Variants in SH3BP5 observed in about 807,000 individuals in gnomAD.
SH3BP5 encodes SH3 domain binding protein 5.
In SH3BP5, 22 loss-of-function variants were observed where a neutral mutation model predicts 43.3. The ratio of observed to expected loss-of-function variants is 0.51; its 90% CI spans 0.36 to 0.73. The LOEUF (loss-of-function observed/expected upper bound fraction) is 0.73, where lower values mean the gene tolerates loss of function less well. Ranked by LOEUF, SH3BP5 falls within the 30% of genes least tolerant of loss-of-function variation. SH3BP5 has a pLI of 0.00. For missense variants in SH3BP5, 529 were observed against 586.9 expected (o/e 0.90, Z 1.02); for synonymous variants, 255 against 225.8 (o/e 1.13, Z -1.16).
upstream of SH3BP5, among the ~76,000 whole-genome samples, chr3:15,336,746 G>A (rs75374174): frequency 2.1e-3 from 317 of 152,246 alleles, 3 homozygotes; most frequent in African/African-American, 7.5e-3. Context: ...TTTTCCTATA[G>A]TATAGTCTCC....
intron 3 of SH3BP5, among the ~76,000 whole-genome samples, chr3:15,303,722 C>T (rs1046813974): frequency 2.6e-5 from 4 of 151,958 alleles, no homozygotes; most frequent in African/African-American, 9.7e-5. Context: ...GAAGAAGAAC[C>T]GATGTTTCAA....
chr3:15,266,921 C>G (rs1250703283), intron 4 of SH3BP5, among the ~76,000 whole-genome samples: 2 of 152,246 alleles, frequency 1.3e-5, no homozygotes, highest in East Asian at 3.8e-4. Flanking sequence ...CCCAGTGTCC[C>G]GCTGTGCCTG....
At chr3:15,334,054 G>A (rs960630777), upstream of SH3BP5, among the ~76,000 whole-genome samples, 1 of 152,182 alleles carries the variant, frequency 6.6e-6, no homozygotes, top group African/African-American at 2.4e-5. Context: ...GAAATAAACA[G>A]AACTCTGGGG....
intron 1 of SH3BP5, among the ~76,000 whole-genome samples, chr3:15,338,184 A>G (rs1475991847): frequency 6.6e-6 from 1 of 151,928 alleles, no homozygotes; most frequent in Non-Finnish European, 1.5e-5. Flanking sequence ...TCTACCAAAA[A>G]ATACAAAAAC....
At chr3:15,267,274 C>A (rs1332587493) in intron 4 of SH3BP5, among the ~76,000 whole-genome samples, 2 of 152,196 alleles carry the variant, frequency 1.3e-5, no homozygotes, top group Non-Finnish European at 2.9e-5. Flanking sequence ...AAGTGTGTGT[C>A]CTGGAGAAAG....
chr3:15,334,857 T>C (rs1355210599), upstream of SH3BP5, among the ~76,000 whole-genome samples: 1 of 151,692 alleles, frequency 6.6e-6, no homozygotes, highest in Non-Finnish European at 1.5e-5. Flanking sequence ...GAGGCTGAGA[T>C]GGGAAGATTG....
chr3:15,256,144 T>C lies in SH3BP5; in HGVS notation c.1310A>G (p.Gln437Arg). 1.2e-6 allele frequency: 2 copies of C among 1,614,232 alleles called. No homozygotes were observed. The highest frequency in any genetic ancestry group is 1.7e-5 in the Admixed American group (1 of 60,028). The change falls in exon 9 of 9, where the codon CAG becomes CGG. Residue 437 changes from glutamine (Q) to arginine (R), a missense_variant. By Grantham distance (43) the Gln-to-Arg change is conservative. This residue lies in a region of SH3BP5 where 369 missense variants were observed against 384.3 expected (regional missense o/e 0.96). Transcript: ENST00000383791. ...AATTCCATCTCTTCCCTTTGAGCACTGTAGGGAGAGCTGCTTCATCCGGTT... is the reference window on the plus strand; with the variant it reads ...AATTCCATCTCTTCCCTTTGAGCACCGTAGGGAGAGCTGCTTCATCCGGTT... Reference protein sequence around the residue: ...LENRMKQLSLQCSKGRDGIIA... With the variant: ...LENRMKQLSLRCSKGRDGIIA...
At chr3:15,301,059 C>T (rs1399011338) in intron 3 of SH3BP5, among the ~76,000 whole-genome samples, 2 of 152,146 alleles carry the variant, frequency 1.3e-5, no homozygotes, top group Non-Finnish European at 2.9e-5. Context: ...AGCCTCCCAG[C>T]CAGCTCCCTC....
intron 1 of SH3BP5, among the ~76,000 whole-genome samples, chr3:15,337,648 G>A (rs1361183462): frequency 6.6e-6 from 1 of 152,008 alleles, no homozygotes; most frequent in African/African-American, 2.4e-5. Flanking sequence ...TCTCACACCT[G>A]TAATCCCAGC....
chr3:15,333,932 C>T (rs1244565203), upstream of SH3BP5, among the ~76,000 whole-genome samples: 1 of 152,166 alleles, frequency 6.6e-6, no homozygotes, highest in Non-Finnish European at 1.5e-5. Flanking sequence ...ACAAGATAGC[C>T]ATAGGGGTCA....
chr3:15,304,769 C>T (rs1319602159), intron 2 of SH3BP5, among the ~76,000 whole-genome samples: 1 of 142,852 alleles, frequency 7.0e-6, no homozygotes, highest in Admixed American at 7.2e-5. Context: ...GAGCCAAGAT[C>T]ATGCCACTGC....
At chr3:15,258,769 C>A in intron 7 of SH3BP5, 62 bp downstream of exon 7, 1 of 1,460,856 alleles carries the variant, frequency 6.8e-7, no homozygotes, top group Admixed American at 1.7e-5. Flanking sequence ...AAGTGAGGAC[C>A]TTGGGAAACA....
upstream of SH3BP5, among the ~76,000 whole-genome samples, chr3:15,335,716 C>T (rs1040742499): frequency 7.2e-5 from 11 of 152,162 alleles, no homozygotes; most frequent in Admixed American, 2.0e-4. Context: ...AACCAATCCC[C>T]CAGGGATATC....
At chr3:15,261,003 A>G (rs766221606) in intron 5 of SH3BP5, among the ~76,000 whole-genome samples, 12 of 152,252 alleles carry the variant, frequency 7.9e-5, no homozygotes, top group Non-Finnish European at 1.6e-4. Context: ...TTCACACCAA[A>G]GGAAGCAGCA....
chr3:15,275,632 A>T (rs1454202271), intron 3 of SH3BP5: 1 of 152,226 alleles, frequency 6.6e-6, no homozygotes, highest in Admixed American at 6.5e-5. Flanking sequence ...GCTTGGTTTG[A>T]GGTATAAGAT....
At position 15,332,478 on chromosome 3, in the gene SH3BP5, G is replaced by T; in HGVS notation, c.-70C>A. On this transcript the variant is annotated 5_prime_UTR_variant, in exon 1 of 9. Transcript: ENST00000383791. ...CCGGGGGTCGCGGCTGCCACAGGCT[G>T]GGCTGGAGCCGCCTCGCCACAGCCG... 1 of 1,377,018 alleles carries T rather than the reference G, an allele frequency of 7.3e-7. No individual in the cohort carries two copies. The highest frequency in any genetic ancestry group is 1.7e-5 in the South Asian group (1 of 60,372). The allele number at this position is 1,377,018 out of a possible 1,614,324, so 85.3% of individuals were successfully genotyped here. A position where few individuals can be genotyped will look rare whatever the true frequency, so the allele number is the denominator to read the frequency against.
At chr3:15,324,947 T>C (rs1267634556) in intron 2 of SH3BP5, among the ~76,000 whole-genome samples, 1 of 152,138 alleles carries the variant, frequency 6.6e-6, no homozygotes, top group Admixed American at 6.5e-5. Context: ...TTAAGCATGT[T>C]TGAGGAACAC....
At chr3:15,306,200 C>CAA (rs71045149) in intron 2 of SH3BP5, among the ~76,000 whole-genome samples, 10 of 151,158 alleles carry the variant, frequency 6.6e-5, no homozygotes, top group African/African-American at 1.7e-4. Context: ...ACTAAAAATA[C>CAA]AAAAAAAAAT....
intron 3 of SH3BP5, among the ~76,000 whole-genome samples, chr3:15,295,809 T>G (rs920867014): frequency 2.0e-5 from 3 of 151,942 alleles, no homozygotes; most frequent in South Asian, 2.1e-4. Flanking sequence ...GCCTGAGAGG[T>G]CATGACAGAT....
Sources: allele counts gnomAD v4.1 joint callset (sites outside exome capture counted in the v4.1 genomes callset), GRCh38; gene constraint gnomAD v4.1.1; regional missense constraint gnomAD v4.1.1; transcripts MANE v1.5; gene names NCBI Gene and HGNC (gene_info 2026-07-23, HGNC 2026-07-21).